PES1: variants seen among roughly 807,000 people sequenced by gnomAD.
PES1 encodes pescadillo homolog.
In PES1, 31 loss-of-function variants were observed where a neutral mutation model predicts 77.1. The observed-to-expected ratio is 0.40, with a 90% CI of 0.30 to 0.54. PES1 has a LOEUF of 0.54. Among genes scored for constraint, PES1 ranks in the 20% least tolerant of loss-of-function variants. The probability of loss-of-function intolerance (pLI) is 0.45; values close to 1 mark genes in which losing one functional copy is unlikely to be tolerated. For synonymous variants in PES1, 282 were observed against 303.0 expected (o/e 0.93, Z 0.72); for missense variants, 658 against 771.7 (o/e 0.85, Z 1.75).
Position 30,591,836 on chromosome 22 carries a change from C to A in PES1, c.-3G>T. The A allele has an allele frequency of 6.4e-7, 1 of 1,561,278 alleles. No homozygotes were observed. ...TTCTTCTTCTCAAGGCCTCCCATCGCTCCACGTTGAGGAGCCGACTAGGGC... is the reference window on the plus strand; with the variant it reads ...TTCTTCTTCTCAAGGCCTCCCATCGATCCACGTTGAGGAGCCGACTAGGGC... On this transcript the variant is annotated 5_prime_UTR_variant, in exon 1 of 15. Coordinates refer to ENST00000354694, the MANE Select transcript of PES1 (RefSeq NM_014303.4).
At chr22:30,577,446 T>C (rs1186990508) in intron 14 of PES1, among the ~76,000 whole-genome samples, 1 of 152,190 alleles carries the variant, frequency 6.6e-6, no homozygotes, top group African/African-American at 2.4e-5. Context: ...CACCAGGAGC[T>C]GGTGGAAAGG....
chr22:30,585,406 C>CA lies in PES1; in HGVS notation c.369-690dup, dbSNP rs1384308924. 1.3e-5 allele frequency: 6 copies of CA among 462,642 alleles called. No individual in the cohort carries two copies. In the East Asian group the frequency reaches 4.2e-4, roughly 33 times the overall value. The allele number at this position is 462,642 out of a possible 1,614,324, so 28.7% of individuals were successfully genotyped here. A position where few individuals can be genotyped will look rare whatever the true frequency, so the allele number is the denominator to read the frequency against. Reference sequence around the variant, plus strand: ...ACAGAGGCATGGGTCACAGAGAAGACACGGAACCACAAGTAACGACACCTG... The same window carrying CA: ...ACAGAGGCATGGGTCACAGAGAAGACAACGGAACCACAAGTAACGACACCTG... On this transcript the variant is annotated intron_variant, in intron 4 of 14. Transcript: ENST00000354694.
intron 6 of PES1, among the ~76,000 whole-genome samples, chr22:30,583,456 GC>G (rs1323315665): frequency 1.3e-5 from 2 of 152,206 alleles, no homozygotes; most frequent in Non-Finnish European, 2.9e-5. Context: ...GCTGCTCTCC[GC>G]TGAAGGCACC....
chr22:30,605,471 C>T (rs1332133640), exon 2 of PES1: 23 of 985,300 alleles, frequency 2.3e-5, no homozygotes, highest in Admixed American at 1.2e-4. Context: ...CAGAGGCTGA[C>T]GATAACGAAG....
intron 14 of PES1, among the ~76,000 whole-genome samples, chr22:30,577,566 T>C (rs1342107089): frequency 6.6e-6 from 1 of 152,154 alleles, no homozygotes; most frequent in African/African-American, 2.4e-5. Context: ...AGTGGCACAA[T>C]CATAGCTCAC....
At chr22:30,591,430 C>T (rs1569028225) in intron 1 of PES1, among the ~76,000 whole-genome samples, 1 of 152,178 alleles carries the variant, frequency 6.6e-6, no homozygotes, top group Non-Finnish European at 1.5e-5. Flanking sequence ...AATGTTATGC[C>T]TCGAAGAGAA....
intron 13 of PES1, 28 bp from the exon 14 acceptor site, chr22:30,579,026 G>T (rs759290465): frequency 6.2e-7 from 1 of 1,606,046 alleles, no homozygotes; most frequent in South Asian, 1.1e-5. Context: ...GTGCTTATGG[G>T]GGCAGGTTCT....
chr22:30,579,032 G>A, intron 13 of PES1, 34 bp from the exon 14 acceptor site: 1 of 1,605,216 alleles, frequency 6.2e-7, no homozygotes, highest in Non-Finnish European at 8.5e-7. Flanking sequence ...ATGGGGGCAG[G>A]TTCTCCCGAC....
At position 30,576,814 on chromosome 22, in the gene PES1, A is replaced by C; in HGVS notation, c.*232T>G. 1.8e-6 allele frequency: 1 copy of C among 566,490 alleles called. No individual in the cohort carries two copies. Among genetic ancestry groups the C allele is most frequent in the Admixed American group, 3.1e-5 (1 of 31,920 alleles). The allele number at this position is 566,490 out of a possible 1,614,324, so 35.1% of individuals were successfully genotyped here. The stretch of plus-strand genomic sequence containing the variant: ...ATGTCACTGGCTCCTGGGAGCAGAG[A>C]ATCAGGCTGGGCACAGAGGCCTCTT... On this transcript the variant is annotated 3_prime_UTR_variant, in exon 15 of 15. Transcript: ENST00000354694.
At chr22:30,595,282 A>G (rs559423252), upstream of PES1, among the ~76,000 whole-genome samples, 1 of 152,132 alleles carries the variant, frequency 6.6e-6, no homozygotes, top group African/African-American at 2.4e-5. Context: ...GCTCATGCCT[A>G]TAATCCCAGC....
chr22:30,591,821 C>A lies in PES1; in HGVS notation c.13G>T (p.Glu5Ter). 6.4e-7 allele frequency: 1 copy of A among 1,564,484 alleles called. No homozygotes were observed. Among genetic ancestry groups the A allele is most frequent in the East Asian group, 2.4e-5 (1 of 42,312 alleles). ...TCTTTCCCAATCACCTTCTTCTTCT[C>A]AAGGCCTCCCATCGCTCCACGTTGA... MGGL[E>*]KKKYERGSAT... Residue 5 changes from glutamate (E) to a stop codon, truncating the protein, a stop_gained, in exon 1 of 15, where the codon GAG (glutamate) becomes TAG (stop). Coordinates refer to ENST00000354694, the MANE Select transcript of PES1 (RefSeq NM_014303.4). LOFTEE classifies it high-confidence loss of function.
chr22:30,603,788 A>G (rs985080404), intron 2 of PES1: 2 of 152,210 alleles, frequency 1.3e-5, no homozygotes, highest in African/African-American at 4.8e-5. Flanking sequence ...TGCCATCTTC[A>G]TGCATACAAT....
chr22:30,598,073 C>T (rs569164047), intron 2 of PES1, among the ~76,000 whole-genome samples: 1 of 151,884 alleles, frequency 6.6e-6, no homozygotes, highest in Non-Finnish European at 1.5e-5. Context: ...TTAGTAGAGA[C>T]GGGGTTTCAC....
At chr22:30,591,422 T>C (rs1326394828) in intron 1 of PES1, among the ~76,000 whole-genome samples, 2 of 152,194 alleles carry the variant, frequency 1.3e-5, no homozygotes, top group Non-Finnish European at 2.9e-5. Flanking sequence ...TCAGCCGAAA[T>C]GTTATGCCTC....
intron 1 of PES1, among the ~76,000 whole-genome samples, chr22:30,589,971 C>T (rs753043458): frequency 4.4e-4 from 67 of 152,174 alleles, no homozygotes; most frequent in Non-Finnish European, 8.7e-4. Context: ...AGCTAAGATA[C>T]TGCCCCTCAA....
rs762941299 is a variant in PES1, at chr22:30,579,042, C to T, written c.1522-44G>A. The stretch of plus-strand genomic sequence containing the variant: ...TGCTTATGGGGGCAGGTTCTCCCGA[C>T]CTCCACAGTCCTCTGGCTCCTGACC... On this transcript the variant is annotated intron_variant, in intron 13 of 14. Coordinates refer to ENST00000354694, the MANE Select transcript of PES1 (RefSeq NM_014303.4). 1.9e-5 allele frequency: 31 copies of T among 1,603,420 alleles called. No individual in the cohort carries two copies. In the South Asian group the frequency reaches 3.4e-4, roughly 18 times the overall value.
chr22:30,602,779 T>C (rs537364009), intron 2 of PES1, among the ~76,000 whole-genome samples: 12 of 152,354 alleles, frequency 7.9e-5, no homozygotes, highest in Admixed American at 7.8e-4. Context: ...TTCAAGTTAA[T>C]TTTTTGTGAA....
chr22:30,594,137 G>T (rs1235598424), upstream of PES1, among the ~76,000 whole-genome samples: 1 of 152,184 alleles, frequency 6.6e-6, no homozygotes, highest in Admixed American at 6.5e-5. Flanking sequence ...CTTTACCTCA[G>T]GGTACCTCTC....
chr22:30,602,899 C>T (rs1371505740), intron 2 of PES1, among the ~76,000 whole-genome samples: 2 of 143,360 alleles, frequency 1.4e-5, no homozygotes, highest in African/African-American at 5.5e-5. Context: ...TTTATCTTAA[C>T]TTGAAAGCAA....
Sources: gnomAD v4.1 joint callset for allele counts (sites outside exome capture counted in the v4.1 genomes callset) on GRCh38, gnomAD v4.1.1 for gene constraint, MANE v1.5 for transcripts, NCBI Gene and HGNC (gene_info 2026-07-23, HGNC 2026-07-21) for gene names.